Variants in CPQ observed in about 807,000 individuals in gnomAD.
CPQ encodes carboxypeptidase Q, also known as Ser-Met dipeptidase.
In CPQ, 37 loss-of-function variants were observed where a neutral mutation model predicts 45.7. The observed-to-expected ratio is 0.81, with a 90% CI of 0.62 to 1.07. The LOEUF is 1.07. Among genes scored for constraint, CPQ ranks in the 50% least tolerant of loss-of-function variants. The pLI is 0.00. For missense variants in CPQ, 537 were observed against 572.9 expected, an observed-to-expected ratio of 0.94 and a Z score of 0.64; for synonymous variants, 186 against 205.8, an observed-to-expected ratio of 0.90 and a Z score of 0.82.
chr8:96,812,592 T>C lies in CPQ; in HGVS notation c.434-22381T>C, dbSNP rs983276547. Among the ~76,000 whole-genome samples, 5 of 152,090 alleles carry C rather than the reference T, an allele frequency of 3.3e-5. No homozygotes were observed. In the East Asian group the frequency reaches 9.6e-4, roughly 29 times the overall value. On this transcript the variant is annotated intron_variant, in intron 2 of 7. Transcript: ENST00000220763. ...TTGTTTTGTTACTTAGTTCCAAATA[T>C]AAAACTGGACAAAAGTAGGTGAGGT...
intron 1 of CPQ, among the ~76,000 whole-genome samples, chr8:96,730,358 T>C (rs1333635692): frequency 2.0e-5 from 3 of 152,182 alleles, no homozygotes; most frequent in Non-Finnish European, 4.4e-5. Flanking sequence ...ACATTTTGAG[T>C]TTGTTCTTCT....
Position 97,099,107 on chromosome 8 carries a change from T to TTC in CPQ, c.1255+32905_1255+32906dup, listed in dbSNP as rs1449236685. Among the ~76,000 whole-genome samples, 361 of 138,750 alleles carry TTC rather than the reference T, an allele frequency of 2.6e-3. 4 individuals are homozygous for TTC. Among genetic ancestry groups the TTC allele is most frequent in the Admixed American group, 5.6e-3 (68 of 12,160 alleles). 91.0% of individuals were successfully genotyped at this position (138,750 alleles called of 152,430 possible). A position where few individuals can be genotyped will look rare whatever the true frequency, so the allele number is the denominator to read the frequency against. On this transcript the variant is annotated intron_variant, in intron 7 of 7. Transcript: ENST00000220763. Reference sequence around the variant, plus strand: ...TTCTGGAAGAAGTCCCAAAACTCCCTTCTCTCTCTTTTTTTTTTTTTTTTT... The same window carrying TTC: ...TTCTGGAAGAAGTCCCAAAACTCCCTTCTCTCTCTCTTTTTTTTTTTTTTTTT...
At chr8:96,964,272 G>A (rs1284634134) in intron 4 of CPQ, among the ~76,000 whole-genome samples, 1 of 151,190 alleles carries the variant, frequency 6.6e-6, no homozygotes, top group African/African-American at 2.4e-5. Context: ...TTTTGTGTAT[G>A]TTCAGATTTA....
chr8:97,127,625 G>C (rs1586554863), intron 7 of CPQ, among the ~76,000 whole-genome samples: 2 of 152,088 alleles, frequency 1.3e-5, no homozygotes, highest in African/African-American at 4.8e-5. Flanking sequence ...GGAAGTGAAG[G>C]CTGCAGTAAG....
intron 5 of CPQ, among the ~76,000 whole-genome samples, chr8:96,975,639 T>C (rs1351169679): frequency 6.6e-6 from 1 of 152,110 alleles, no homozygotes; most frequent in Non-Finnish European, 1.5e-5. Flanking sequence ...AAAAAGATAC[T>C]TCACCATGAT....
chr8:96,749,179 G>C (rs1080699), intron 1 of CPQ, among the ~76,000 whole-genome samples: 2 of 152,092 alleles, frequency 1.3e-5, no homozygotes, highest in African/African-American at 4.8e-5. Flanking sequence ...TTTTGACTAA[G>C]ATATTTGTTC....
At chr8:97,109,483 T>C (rs993810443) in intron 7 of CPQ, among the ~76,000 whole-genome samples, 14 of 152,130 alleles carry the variant, frequency 9.2e-5, no homozygotes, top group African/African-American at 2.9e-4. Flanking sequence ...TTCACAGCTT[T>C]ACCCAGCCCT....
chr8:96,689,318 T>C (rs1358625705), intron 1 of CPQ, among the ~76,000 whole-genome samples: 1 of 152,170 alleles, frequency 6.6e-6, no homozygotes, highest in Non-Finnish European at 1.5e-5. Flanking sequence ...AGAAATATAC[T>C]GCCACCAATT....
chr8:96,856,468 T>G (rs527589023), intron 3 of CPQ, among the ~76,000 whole-genome samples: 14 of 152,376 alleles, frequency 9.2e-5, no homozygotes, highest in Admixed American at 9.1e-4. Context: ...GAAATTATCT[T>G]GTTTATTTGT....
intron 3 of CPQ, among the ~76,000 whole-genome samples, chr8:96,872,166 G>C (rs1254092721): frequency 6.6e-6 from 1 of 151,832 alleles, no homozygotes; most frequent in East Asian, 1.9e-4. Flanking sequence ...GATATCACAG[G>C]GATGGGACCC....
At chr8:96,951,623 C>T (rs922376933) in intron 4 of CPQ, among the ~76,000 whole-genome samples, 4 of 151,962 alleles carry the variant, frequency 2.6e-5, no homozygotes, top group African/African-American at 4.8e-5. Context: ...ACCTATTTCA[C>T]GGTGTATGGA....
At chr8:97,122,800 G>T (rs529448646) in intron 7 of CPQ, among the ~76,000 whole-genome samples, 1 of 149,746 alleles carries the variant, frequency 6.7e-6, no homozygotes, top group African/African-American at 2.5e-5. Flanking sequence ...CAGGAGAATC[G>T]CTTGAACCCA....
chr8:96,912,962 A>G (rs1201960275), intron 4 of CPQ, among the ~76,000 whole-genome samples: 1 of 152,070 alleles, frequency 6.6e-6, no homozygotes, highest in East Asian at 1.9e-4. Flanking sequence ...TGACATTCTC[A>G]CTCTGTAGAG....
chr8:96,696,022 C>A lies in CPQ; in HGVS notation c.-35+50620C>A, dbSNP rs1022569993. On this transcript the variant is annotated intron_variant, in intron 1 of 7. Coordinates refer to ENST00000220763, the MANE Select transcript of CPQ (RefSeq NM_016134.4). ...TTTATTGTGGCATTATTCACAATAG[C>A]AAAGACTTGGAACCAACCCAAATGT... Among the ~76,000 whole-genome samples the A allele has an allele frequency of 2.0e-5, 3 of 151,000 alleles. No homozygotes were observed. In the East Asian group the frequency reaches 5.8e-4, roughly 29 times the overall value.
chr8:96,835,216 A>T, intron 3 of CPQ, 36 bp downstream of exon 3: 1 of 1,393,238 alleles, frequency 7.2e-7, no homozygotes. Context: ...CCTTTCAAAA[A>T]CAAGGGTTTT....
At chr8:96,851,749 A>G (rs1452636425) in intron 3 of CPQ, among the ~76,000 whole-genome samples, 1 of 152,166 alleles carries the variant, frequency 6.6e-6, no homozygotes, top group African/African-American at 2.4e-5. Context: ...AAGGGGGAAA[A>G]CTGCAAACAA....
chr8:96,661,389 T>C (rs547796008), intron 1 of CPQ, among the ~76,000 whole-genome samples: 27 of 152,248 alleles, frequency 1.8e-4, no homozygotes, highest in African/African-American at 6.5e-4. Context: ...CTCTTGGTGG[T>C]GTGCTTTCTA....
chr8:96,909,465 T>C (rs1034392496), intron 4 of CPQ, among the ~76,000 whole-genome samples: 4 of 152,152 alleles, frequency 2.6e-5, no homozygotes, highest in African/African-American at 9.7e-5. Context: ...TTTTCAGTGG[T>C]TTTCTTTTCC....
In CPQ at chr8:97,115,892, A is replaced by T. The variant is rs1330028634; in HGVS notation, c.1256-27128A>T. Among the ~76,000 whole-genome samples the T allele has an allele frequency of 3.3e-5, 5 of 152,216 alleles. No individual in the cohort carries two copies. The South Asian group carries it at 6.2e-4, about 19-fold the overall frequency. On this transcript the variant is annotated intron_variant, in intron 7 of 7. Transcript: ENST00000220763. ...AAAAAATGGTTATAATTGTTTTTTT[A>T]AATTTTTAAAGAAATTCCAAGTGGA... is the stretch of plus-strand genomic sequence containing the variant.
Sources: gnomAD v4.1 joint callset for allele counts (sites outside exome capture counted in the v4.1 genomes callset) on GRCh38, gnomAD v4.1.1 for gene constraint, MANE v1.5 for transcripts, NCBI Gene and HGNC (gene_info 2026-07-23, HGNC 2026-07-21) for gene names.